APBA2: variants seen among roughly 807,000 people sequenced by gnomAD.
APBA2 encodes the protein amyloid-beta A4 precursor protein-binding family A member 2.
APBA2 carries 30 observed loss-of-function variants against 75.0 expected under a neutral mutation model. The observed-to-expected ratio is 0.40, with a 90% CI of 0.30 to 0.54. The LOEUF is 0.54. Among genes scored for constraint, APBA2 ranks in the 20% least tolerant of loss-of-function variants. The pLI is 0.49. For synonymous variants in APBA2, 444 were observed against 409.6 expected, an observed-to-expected ratio of 1.08 and a Z score of -1.01; for missense variants, 801 against 1,016.1, an observed-to-expected ratio of 0.79 and a Z score of 2.88.
chr15:28,901,452 A>G (rs772188162), intron 1 of APBA2, among the ~76,000 whole-genome samples: 2 of 152,120 alleles, frequency 1.3e-5, no homozygotes, highest in Admixed American at 1.3e-4. Flanking sequence ...CCCTCTTCCT[A>G]TGGGCCTGTC....
At chr15:29,022,605 C>T (rs7176481) in intron 3 of APBA2, among the ~76,000 whole-genome samples, 54,945 of 151,754 alleles carry the variant, frequency 0.36, 16,192 homozygotes, top group African/African-American at 0.79. Flanking sequence ...TATGGTAAAT[C>T]ATTATAGATG....
At chr15:28,976,357 T>G (rs1478961454) in intron 2 of APBA2, among the ~76,000 whole-genome samples, 1 of 152,194 alleles carries the variant, frequency 6.6e-6, no homozygotes, top group Non-Finnish European at 1.5e-5. Context: ...TGGTTGGGAG[T>G]GACAGAACAG....
intron 2 of APBA2, among the ~76,000 whole-genome samples, chr15:28,995,222 C>T (rs1023977007): frequency 1.3e-5 from 2 of 152,148 alleles, no homozygotes; most frequent in Non-Finnish European, 2.9e-5. Flanking sequence ...ACCTGGTGGC[C>T]TCTTTCTCAT....
intron 3 of APBA2, among the ~76,000 whole-genome samples, chr15:28,996,266 T>C (rs889224783): frequency 9.9e-5 from 15 of 152,132 alleles, no homozygotes; most frequent in Non-Finnish European, 1.9e-4. Context: ...CAGTGGCTGG[T>C]CTACTTTGAG....
chr15:28,962,294 G>A (rs2036515527), intron 2 of APBA2, among the ~76,000 whole-genome samples: 1 of 151,920 alleles, frequency 6.6e-6, no homozygotes, highest in Non-Finnish European at 1.5e-5. Context: ...GGTTTCGGCT[G>A]GGCGCGGTGG....
intron 2 of APBA2, among the ~76,000 whole-genome samples, chr15:28,984,564 C>A (rs2037797449): frequency 6.6e-6 from 1 of 152,034 alleles, no homozygotes; most frequent in African/African-American, 2.4e-5. Flanking sequence ...CAACTCAGAC[C>A]AGTGGAGGGG....
At chr15:29,078,960 G>A (rs2042971749) in intron 6 of APBA2, among the ~76,000 whole-genome samples, 1 of 152,204 alleles carries the variant, frequency 6.6e-6, no homozygotes, top group Admixed American at 6.5e-5. Context: ...GAAAGGCAGC[G>A]TGTCAGCTGT....
intron 2 of APBA2, among the ~76,000 whole-genome samples, chr15:28,958,482 T>G (rs2036291113): frequency 6.6e-6 from 1 of 152,266 alleles, no homozygotes; most frequent in Non-Finnish European, 1.5e-5. Flanking sequence ...TGCATGCTTC[T>G]TAGTATCTCC....
chr15:28,927,709 G>A (rs2034347654), intron 2 of APBA2, among the ~76,000 whole-genome samples: 1 of 151,814 alleles, frequency 6.6e-6, no homozygotes, highest in Admixed American at 6.6e-5. Flanking sequence ...TTACAGGCAT[G>A]AGCCGCTGTG....
chr15:29,043,230 C>T (rs1385681664), intron 3 of APBA2, among the ~76,000 whole-genome samples: 1 of 152,164 alleles, frequency 6.6e-6, no homozygotes, highest in Non-Finnish European at 1.5e-5. Context: ...GGTCTGACAG[C>T]AATTTTAATG....
chr15:28,973,151 T>A (rs1209664316), intron 2 of APBA2, among the ~76,000 whole-genome samples: 1 of 152,228 alleles, frequency 6.6e-6, no homozygotes, highest in African/African-American at 2.4e-5. Context: ...CCCTGTGTAT[T>A]CCTCTGTTTG....
intron 1 of APBA2, among the ~76,000 whole-genome samples, chr15:28,917,370 G>A (rs1369434970): frequency 6.6e-6 from 1 of 152,160 alleles, no homozygotes; most frequent in Non-Finnish European, 1.5e-5. Flanking sequence ...CTCCTTCCTA[G>A]GGTCCGGCTT....
At chr15:29,114,789 AGTGT>A (rs67521715) in intron 14 of APBA2, among the ~76,000 whole-genome samples, 83 of 141,182 alleles carry the variant, frequency 5.9e-4, no homozygotes, top group African/African-American at 2.0e-3. Flanking sequence ...CGTGTGGAGG[AGTGT>A]GTGTGTGTGG....
intron 6 of APBA2, among the ~76,000 whole-genome samples, chr15:29,076,646 C>G (rs759736642): frequency 3.3e-5 from 5 of 152,080 alleles, no homozygotes; most frequent in African/African-American, 1.2e-4. Flanking sequence ...TGTAGGAGAT[C>G]CACTGGGTTT....
At chr15:28,964,488 ATTT>A (rs34136396) in intron 2 of APBA2, among the ~76,000 whole-genome samples, 4,507 of 138,128 alleles carry the variant, frequency 0.033, 261 homozygotes, top group East Asian at 0.24. Context: ...ACTTTTGCTC[ATTT>A]TTTTTTTTTT....
rs1463147503 is a variant in APBA2, at chr15:29,105,602, T to C, written c.1704+44T>C. 5 of 1,605,604 alleles carry C rather than the reference T, an allele frequency of 3.1e-6. No homozygotes were observed. In the Admixed American group the frequency reaches 6.7e-5, roughly 21 times the overall value. ...CCTCAGGGAGGCCACATTTGCCAGC[T>C]TCTGCTCCCTGAGCTCCTGCAGAGC... On this transcript the variant is annotated intron_variant, in intron 11 of 14. Transcript: ENST00000683413.
intron 6 of APBA2, among the ~76,000 whole-genome samples, chr15:29,090,988 G>T (rs897446702): frequency 6.6e-6 from 1 of 152,256 alleles, no homozygotes; most frequent in East Asian, 1.9e-4. Context: ...GAAGCGCCAG[G>T]GTATGGTGGG....
intron 1 of APBA2, among the ~76,000 whole-genome samples, chr15:28,908,379 C>T (rs559599592): frequency 2.0e-5 from 3 of 149,972 alleles, no homozygotes; most frequent in East Asian, 1.9e-4. Context: ...GGCGCAATCT[C>T]GGCTCACTGC....
chr15:28,984,208 G>T (rs1301240611), intron 2 of APBA2, among the ~76,000 whole-genome samples: 1 of 152,108 alleles, frequency 6.6e-6, no homozygotes, highest in African/African-American at 2.4e-5. Flanking sequence ...TTATTATTCG[G>T]GACTCTGAGT....
Sources: allele counts gnomAD v4.1 joint callset (sites outside exome capture counted in the v4.1 genomes callset), GRCh38; gene constraint gnomAD v4.1.1; transcripts MANE v1.5; gene names NCBI Gene and HGNC (gene_info 2026-07-23, HGNC 2026-07-21).